The following LSM11 variants were observed in gnomAD, a reference collection of about 807,000 sequenced individuals.
LSM11 encodes the protein LSM11, U7 small nuclear RNA associated.
A neutral mutation model predicts 28.1 loss-of-function variants in LSM11; 14 were observed. The observed-to-expected ratio is 0.50, with a 90% CI of 0.33 to 0.78. The LOEUF (loss-of-function observed/expected upper bound fraction) is 0.78, where lower values mean the gene tolerates loss of function less well. Among genes scored for constraint, LSM11 ranks in the 30% least tolerant of loss-of-function variants. LSM11 has a pLI of 0.02. For synonymous variants in LSM11, 207 were observed against 214.2 expected (o/e 0.97, Z 0.30); for missense variants, 495 against 510.6 (o/e 0.97, Z 0.30).
At chr5:157,753,641 G>T (rs565652311) in intron 2 of LSM11, among the ~76,000 whole-genome samples, 1 of 152,268 alleles carries the variant, frequency 6.6e-6, no homozygotes, top group African/African-American at 2.4e-5. Flanking sequence ...GAAACAAAAG[G>T]TTCCTGGGCT....
At position 157,743,798 on chromosome 5, in the gene LSM11, C is replaced by A. The variant is rs771171980; in HGVS notation, c.48C>A (p.Pro16=). ...RGARSAGAGS[P]ARPPSPRLDV... is the part of the protein sequence containing the mutation. ...CGAGGTCGGCTGGCGCCGGGAGCCC[C>A]GCGCGCCCGCCCAGCCCGCGGCTGG... Residue 16 remains proline, a synonymous_variant, in exon 1 of 4, where the codon CCC becomes CCA. Transcript: ENST00000286307. 6 of 1,463,924 alleles carry A rather than the reference C, an allele frequency of 4.1e-6. No homozygotes were observed. The Admixed American group carries it at 8.0e-5, about 20-fold the overall frequency. 90.7% of individuals were successfully genotyped at this position (1,463,924 alleles called of 1,614,324 possible).
Position 157,755,957 on chromosome 5 carries a change from A to G in LSM11, c.*693A>G, listed in dbSNP as rs769394250. 2 of 355,822 alleles carry G rather than the reference A, an allele frequency of 5.6e-6. No individual in the cohort carries two copies. Among genetic ancestry groups the G allele is most frequent in the Non-Finnish European group, 1.0e-5 (2 of 200,076 alleles). The allele number at this position is 355,822 out of a possible 1,614,324, so 22.0% of individuals were successfully genotyped here. On this transcript the variant is annotated 3_prime_UTR_variant, in exon 4 of 4. Coordinates refer to ENST00000286307, the MANE Select transcript of LSM11 (RefSeq NM_173491.4). ...ACCAGAGGTAGCCTCTGCAAATGGC[A>G]TACCAGATGGGACTCTAAGATGCTT...
intron 1 of LSM11, among the ~76,000 whole-genome samples, chr5:157,745,728 A>G (rs1761137396): frequency 6.6e-6 from 1 of 152,218 alleles, no homozygotes; most frequent in African/African-American, 2.4e-5. Context: ...GATTAAGTAT[A>G]TATCCCTGGA....
rs558774552 is a variant in LSM11 at position 157,750,774 on chromosome 5, C to T, written c.449-616C>T. On this transcript the variant is annotated intron_variant, in intron 1 of 3. Transcript: ENST00000286307. ...TGTTAATGTATACATTTAATGTTTG[C>T]GTGCCCGTGTGTGTGTGTGTTTCTC... 5.3e-5 allele frequency among the ~76,000 whole-genome samples: 8 copies of T among 152,168 alleles called. No homozygotes were observed. In the South Asian group the frequency reaches 1.2e-3, roughly 24 times the overall value.
chr5:157,746,430 A>G (rs1460893884), intron 1 of LSM11, among the ~76,000 whole-genome samples: 2 of 152,264 alleles, frequency 1.3e-5, no homozygotes, highest in African/African-American at 2.4e-5. Flanking sequence ...TATTTCATCA[A>G]TTCAGATCCA....
At chr5:157,746,923 A>C (rs1761156486) in intron 1 of LSM11, among the ~76,000 whole-genome samples, 1 of 152,158 alleles carries the variant, frequency 6.6e-6, no homozygotes. Flanking sequence ...AAAAGTAATA[A>C]TAAAAGTATA....
intron 2 of LSM11, among the ~76,000 whole-genome samples, chr5:157,753,164 C>T (rs1057470816): frequency 1.3e-5 from 2 of 152,182 alleles, no homozygotes; most frequent in African/African-American, 4.8e-5. Context: ...ACTTTTTCCT[C>T]GGCCTAACTC....
At chr5:157,750,419 ATGAGT>A (rs1469929186) in intron 1 of LSM11, among the ~76,000 whole-genome samples, 2 of 152,212 alleles carry the variant, frequency 1.3e-5, no homozygotes, top group Non-Finnish European at 2.9e-5. Context: ...TATTCTTCCT[ATGAGT>A]CATTATCCTG....
intron 2 of LSM11, among the ~76,000 whole-genome samples, chr5:157,752,409 C>T (rs886316310): frequency 1.3e-5 from 2 of 151,794 alleles, no homozygotes; most frequent in African/African-American, 4.8e-5. Context: ...GGATTACAGG[C>T]ATGAGCCACT....
At chr5:157,744,983 A>G (rs968945170) in intron 1 of LSM11, among the ~76,000 whole-genome samples, 5 of 152,182 alleles carry the variant, frequency 3.3e-5, no homozygotes, top group African/African-American at 9.7e-5. Context: ...TCAGGCTCAT[A>G]TTACCATATG....
chr5:157,746,143 T>A (rs1376644889), intron 1 of LSM11, among the ~76,000 whole-genome samples: 1 of 151,370 alleles, frequency 6.6e-6, no homozygotes, highest in Non-Finnish European at 1.5e-5. Context: ...TTTAAAAAAA[T>A]ATATGCCTAC....
Position 157,756,154 on chromosome 5 carries a change from A to G in LSM11, c.*890A>G, listed in dbSNP as rs537006650. On this transcript the variant is annotated 3_prime_UTR_variant, in exon 4 of 4. Transcript: ENST00000286307. ...GTTGTGCATGAACTCGGTAATACAC[A>G]TCACACGGCTGAGAGTCCCCTTTCC... is the stretch of plus-strand genomic sequence containing the variant. 1 of 155,148 alleles carries G rather than the reference A, an allele frequency of 6.4e-6. No homozygotes were observed. The highest frequency in any genetic ancestry group is 2.4e-5 in the African/African-American group (1 of 41,576). 9.6% of individuals were successfully genotyped at this position (155,148 alleles called of 1,614,324 possible). A position where few individuals can be genotyped will look rare whatever the true frequency, so the allele number is the denominator to read the frequency against.
rs1767395780 is a variant in LSM11 at position 157,760,042 on chromosome 5, A to C, written c.*4778A>C. On this transcript the variant is annotated 3_prime_UTR_variant, in exon 4 of 4. Coordinates refer to ENST00000286307, the MANE Select transcript of LSM11 (RefSeq NM_173491.4). The stretch of plus-strand genomic sequence containing the variant: ...ACCTGAGACCTTCAGTTAGTCTTTT[A>C]TTTATTTAGAATAAAAAATAGTTTG... The C allele has an allele frequency of 6.6e-6, 1 of 152,232 alleles. No homozygotes were observed. 9.4% of individuals were successfully genotyped at this position (152,232 alleles called of 1,614,324 possible).
intron 2 of LSM11, among the ~76,000 whole-genome samples, chr5:157,752,728 C>T (rs911451945): frequency 1.6e-4 from 24 of 151,492 alleles, no homozygotes. Flanking sequence ...AGCTTGTAAT[C>T]CCAGCTACTC....
At chr5:157,750,824 C>T (rs1050228316) in intron 1 of LSM11, among the ~76,000 whole-genome samples, 11 of 152,136 alleles carry the variant, frequency 7.2e-5, no homozygotes, top group Non-Finnish European at 1.2e-4. Flanking sequence ...CTCTGTTGCC[C>T]AGGCTGGAGT....
At chr5:157,745,714 T>A (rs1761137048) in intron 1 of LSM11, among the ~76,000 whole-genome samples, 1 of 152,224 alleles carries the variant, frequency 6.6e-6, no homozygotes, top group Non-Finnish European at 1.5e-5. Context: ...TGTCAACTTC[T>A]TATGATTAAG....
chr5:157,747,324 T>G (rs1761163571), intron 1 of LSM11, among the ~76,000 whole-genome samples: 1 of 152,214 alleles, frequency 6.6e-6, no homozygotes, highest in African/African-American at 2.4e-5. Context: ...AGAAAAAGTG[T>G]TATCATTACT....
At chr5:157,744,264 T>G (rs1037408654) in intron 1 of LSM11, 66 bp downstream of exon 1, 5 of 1,150,214 alleles carry the variant, frequency 4.3e-6, no homozygotes, top group Non-Finnish European at 4.4e-6. Flanking sequence ...CGAGGGGGCG[T>G]CTGCGGGGCG....
Position 157,758,088 on chromosome 5 carries a change from C to G in LSM11, c.*2824C>G, listed in dbSNP as rs1761358351. On this transcript the variant is annotated 3_prime_UTR_variant, in exon 4 of 4. Coordinates refer to ENST00000286307, the MANE Select transcript of LSM11 (RefSeq NM_173491.4). ...ATAAAGCATGATAATTACTTTTTAA[C>G]AGAAGTTCATTTTTAAAGATTACTC... 6.6e-6 allele frequency: 1 copy of G among 152,146 alleles called. No individual in the cohort carries two copies. Among genetic ancestry groups the G allele is most frequent in the Non-Finnish European group, 1.5e-5 (1 of 68,026 alleles). The allele number at this position is 152,146 out of a possible 1,614,324, so 9.4% of individuals were successfully genotyped here.
Sources: gnomAD v4.1 joint callset for allele counts (sites outside exome capture counted in the v4.1 genomes callset) on GRCh38, gnomAD v4.1.1 for gene constraint, MANE v1.5 for transcripts, NCBI Gene and HGNC (gene_info 2026-07-23, HGNC 2026-07-21) for gene names.